Variants in SGPP2 observed in about 807,000 individuals in gnomAD.
The protein encoded by SGPP2 is sphingosine 1-phosphate phosphohydrolase 2.
Under a neutral mutation model 33.9 loss-of-function variants are expected in SGPP2, and 30 were observed. The ratio of observed to expected loss-of-function variants is 0.89; its 90% CI spans 0.66 to 1.20. The LOEUF (loss-of-function observed/expected upper bound fraction) is 1.20, where lower values mean the gene tolerates loss of function less well. Ranked by LOEUF, SGPP2 falls within the 50% of genes most tolerant of loss-of-function variation. SGPP2 has a pLI of 0.00. For missense variants in SGPP2, 458 were observed against 532.1 expected (o/e 0.86, Z 1.37); for synonymous variants, 233 against 225.0 (o/e 1.04, Z -0.32).
rs1689513756 is a variant in SGPP2, at chr2:222,560,328, T to C, written c.*1430T>C. The C allele has an allele frequency of 6.6e-6, 1 of 152,210 alleles. No individual in the cohort carries two copies. The highest frequency in any genetic ancestry group is 6.5e-5 in the Admixed American group (1 of 15,272). The allele number at this position is 152,210 out of a possible 1,614,324, so 9.4% of individuals were successfully genotyped here. ...TCTGTAAATCTATTTTCTCATCTAC[T>C]GAATAGAATCAGGCGCCCTTTTTGT... is the stretch of plus-strand genomic sequence containing the variant. On this transcript the variant is annotated 3_prime_UTR_variant, in exon 5 of 5. Coordinates refer to ENST00000321276, the MANE Select transcript of SGPP2 (RefSeq NM_152386.4).
At chr2:222,497,250 C>CG (rs765299622) in intron 2 of SGPP2, among the ~76,000 whole-genome samples, 1 of 118,570 alleles carries the variant, frequency 8.4e-6, no homozygotes, top group Admixed American at 9.4e-5. Flanking sequence ...TCTCTTTCTT[C>CG]TTTTTTTTTT....
intron 1 of SGPP2, among the ~76,000 whole-genome samples, chr2:222,441,230 A>G (rs1180548235): frequency 6.6e-6 from 1 of 152,236 alleles, no homozygotes; most frequent in Non-Finnish European, 1.5e-5. Context: ...CTCAAGGTCA[A>G]CAATAGCCAT....
intron 2 of SGPP2, among the ~76,000 whole-genome samples, chr2:222,497,250 CTTTTTTTTT>C (rs57363978): frequency 3.9e-4 from 46 of 118,550 alleles, no homozygotes; most frequent in African/African-American, 1.3e-3. Context: ...TCTCTTTCTT[CTTTTTTTTT>C]TTTTTTTTTT....
Position 222,465,435 on chromosome 2 carries a change from A to G in SGPP2, c.220-9133A>G, listed in dbSNP as rs895970255. 2.1e-5 allele frequency among the ~76,000 whole-genome samples: 3 copies of G among 142,326 alleles called. No homozygotes were observed. Among genetic ancestry groups the G allele is most frequent in the African/African-American group, 7.9e-5 (3 of 37,886 alleles). 93.4% of individuals were successfully genotyped at this position (142,326 alleles called of 152,430 possible). ...GTCTTGATTCTCTTAAAAAAAAAAA[A>G]GTGAGTAATTAAAAGTGACGGGCCA... On this transcript the variant is annotated intron_variant, in intron 1 of 4. Transcript: ENST00000321276. This position sits in a 1 kb window ranked among gnomAD's most constrained non-coding sequence, Gnocchi z 4.1.
chr2:222,523,931 G>A (rs575514338), intron 3 of SGPP2, among the ~76,000 whole-genome samples: 1 of 152,164 alleles, frequency 6.6e-6, no homozygotes, highest in East Asian at 1.9e-4. Flanking sequence ...AGCTGTTATG[G>A]TACTCATGTG....
intron 2 of SGPP2, among the ~76,000 whole-genome samples, chr2:222,511,322 T>C (rs1007772796): frequency 6.6e-6 from 1 of 152,164 alleles, no homozygotes; most frequent in African/African-American, 2.4e-5. Flanking sequence ...TATCTATATA[T>C]TACATTTATC....
intron 1 of SGPP2, among the ~76,000 whole-genome samples, chr2:222,469,017 G>C (rs1417149369): frequency 6.6e-6 from 1 of 152,074 alleles, no homozygotes; most frequent in Non-Finnish European, 1.5e-5. Context: ...AAAACTTTCA[G>C]AAAAATAAAC....
chr2:222,434,378 C>G (rs1697203850), intron 1 of SGPP2, among the ~76,000 whole-genome samples: 1 of 152,092 alleles, frequency 6.6e-6, no homozygotes. Context: ...TGTTTTTTGT[C>G]CCCTCAATCT....
chr2:222,443,717 C>A (rs981701851), intron 1 of SGPP2, among the ~76,000 whole-genome samples: 1 of 152,104 alleles, frequency 6.6e-6, no homozygotes, highest in African/African-American at 2.4e-5. Flanking sequence ...CTACAGGGAT[C>A]TTGGCTATAG....
At chr2:222,478,189 A>AGAGG (rs1042289682) in intron 2 of SGPP2, among the ~76,000 whole-genome samples, 1 of 82,752 alleles carries the variant, frequency 1.2e-5, no homozygotes, top group African/African-American at 5.3e-5. Context: ...AGAGAGGGAG[A>AGAGG]GAGGGAGGGA....
intron 4 of SGPP2, among the ~76,000 whole-genome samples, chr2:222,554,322 T>G (rs1689350872): frequency 6.6e-6 from 1 of 152,232 alleles, no homozygotes; most frequent in Non-Finnish European, 1.5e-5. Context: ...TTCCTTGTTC[T>G]TTGTGCAGTG....
At chr2:222,441,989 A>G (rs116804320) in intron 1 of SGPP2, among the ~76,000 whole-genome samples, 3 of 152,376 alleles carry the variant, frequency 2.0e-5, no homozygotes, top group African/African-American at 7.2e-5. Flanking sequence ...GAATTACAGT[A>G]TATCTTTTCC....
intron 1 of SGPP2, among the ~76,000 whole-genome samples, chr2:222,438,329 G>A (rs2106063969): frequency 6.6e-6 from 1 of 152,336 alleles, no homozygotes; most frequent in Admixed American, 6.5e-5. Context: ...AGTCCAGTGT[G>A]TTTGCTAGTT....
At chr2:222,490,152 T>G (rs1698174579) in intron 2 of SGPP2, among the ~76,000 whole-genome samples, 1 of 152,176 alleles carries the variant, frequency 6.6e-6, no homozygotes. Context: ...AAACATATTT[T>G]TATAAATTTT....
intron 2 of SGPP2, among the ~76,000 whole-genome samples, chr2:222,517,817 C>A (rs529622295): frequency 6.6e-6 from 1 of 152,234 alleles, no homozygotes; most frequent in Non-Finnish European, 1.5e-5. Flanking sequence ...AACAGACGAG[C>A]CACACCCCTG....
At chr2:222,433,357 A>G (rs758337518) in intron 1 of SGPP2, among the ~76,000 whole-genome samples, 19 of 151,646 alleles carry the variant, frequency 1.3e-4, no homozygotes, top group Non-Finnish European at 2.5e-4. Flanking sequence ...CTCGCAGTGC[A>G]ACCAGAATGT....
intron 1 of SGPP2, among the ~76,000 whole-genome samples, chr2:222,441,526 T>G (rs1697324987): frequency 6.6e-6 from 1 of 152,210 alleles, no homozygotes; most frequent in African/African-American, 2.4e-5. Flanking sequence ...GTACACATTT[T>G]AAAACTGTAA....
At chr2:222,501,672 T>TC (rs1406079374) in intron 2 of SGPP2, among the ~76,000 whole-genome samples, 18 of 152,260 alleles carry the variant, frequency 1.2e-4, no homozygotes, top group South Asian at 2.1e-4. Context: ...GTGAGGTGCG[T>TC]TCACATTTTC....
chr2:222,464,852 G>T (rs1015940164), intron 1 of SGPP2, among the ~76,000 whole-genome samples: 3 of 152,160 alleles, frequency 2.0e-5, no homozygotes, highest in African/African-American at 4.8e-5. Flanking sequence ...CTAGAGTCAA[G>T]AAGAGCATTG....
Sources: gnomAD v4.1 joint callset for allele counts (sites outside exome capture counted in the v4.1 genomes callset) on GRCh38, gnomAD v4.1.1 for gene constraint, Gnocchi (gnomAD v3.1) non-coding constraint, MANE v1.5 for transcripts, NCBI Gene and HGNC (gene_info 2026-07-23, HGNC 2026-07-21) for gene names.